Variants in CTNND2 observed in about 807,000 individuals in gnomAD.
CTNND2 encodes catenin delta 2, also known as catenin delta-2.
Under a neutral mutation model 144.4 loss-of-function variants are expected in CTNND2, and 22 were observed. That is an observed-to-expected ratio of 0.15 (90% confidence interval 0.11 to 0.22). The LOEUF is 0.22. CTNND2 is among the 10% of genes least tolerant of loss of function. The probability of loss-of-function intolerance (pLI) is 1.00; values close to 1 mark genes in which losing one functional copy is unlikely to be tolerated. For synonymous variants in CTNND2, 751 were observed against 695.6 expected (o/e 1.08, Z -1.25); for missense variants, 1,353 against 1,618.8 (o/e 0.84, Z 2.82).
At chr5:11,522,779 T>C (rs1772859873) in intron 3 of CTNND2, among the ~76,000 whole-genome samples, 1 of 152,144 alleles carries the variant, frequency 6.6e-6, no homozygotes, top group African/African-American at 2.4e-5. Context: ...AGTTATTCCA[T>C]ATAGACACAG....
At chr5:11,084,323 C>A (rs1024961772) in intron 15 of CTNND2, among the ~76,000 whole-genome samples, 1 of 152,172 alleles carries the variant, frequency 6.6e-6, no homozygotes, top group Non-Finnish European at 1.5e-5. Context: ...TCCATCGATG[C>A]ATTTAACCGA....
At chr5:11,389,115 C>T (rs1036061699) in intron 6 of CTNND2, among the ~76,000 whole-genome samples, 18 of 152,140 alleles carry the variant, frequency 1.2e-4, no homozygotes, top group African/African-American at 4.1e-4. Context: ...ACCATCTAGG[C>T]TGTTGGCAGA....
At chr5:11,097,297 G>A (rs1384651794) in intron 15 of CTNND2, among the ~76,000 whole-genome samples, 1 of 152,168 alleles carries the variant, frequency 6.6e-6, no homozygotes, top group African/African-American at 2.4e-5. Context: ...GTAAGACTAT[G>A]CTTGGGATGT....
intron 12 of CTNND2, among the ~76,000 whole-genome samples, chr5:11,126,787 T>C (rs1754721394): frequency 6.6e-6 from 1 of 152,250 alleles, no homozygotes; most frequent in African/African-American, 2.4e-5. Flanking sequence ...CCTTAAGTTG[T>C]AATTCTGTAA....
intron 1 of CTNND2, among the ~76,000 whole-genome samples, chr5:11,869,621 G>A (rs367605920): frequency 7.2e-5 from 11 of 152,146 alleles, no homozygotes; most frequent in African/African-American, 1.9e-4. Context: ...GCTGCTATTC[G>A]AAATAATGCA....
intron 1 of CTNND2, among the ~76,000 whole-genome samples, chr5:11,760,049 C>CAAA (rs33988550): frequency 1.0e-4 from 12 of 117,636 alleles, no homozygotes; most frequent in African/African-American, 2.8e-4. Context: ...GTACTGGATG[C>CAAA]AAAAAAAAAA....
chr5:11,617,089 G>A (rs915314421), intron 2 of CTNND2, among the ~76,000 whole-genome samples: 2 of 152,116 alleles, frequency 1.3e-5, no homozygotes, highest in Non-Finnish European at 2.9e-5. Flanking sequence ...CTATGCATGT[G>A]CCAAGGTTTC....
intron 16 of CTNND2, among the ~76,000 whole-genome samples, chr5:11,065,043 T>C (rs558499705): frequency 6.6e-6 from 1 of 152,338 alleles, no homozygotes; most frequent in Admixed American, 6.5e-5. Context: ...TTTCCTGCAT[T>C]TCATTTTTAT....
intron 2 of CTNND2, among the ~76,000 whole-genome samples, chr5:11,607,436 A>G (rs1389618247): frequency 6.6e-6 from 1 of 152,206 alleles, no homozygotes; most frequent in Non-Finnish European, 1.5e-5. Flanking sequence ...GGCAAGAAAA[A>G]AATAATTTTA....
At chr5:11,074,640 T>C (rs1748718249) in intron 16 of CTNND2, among the ~76,000 whole-genome samples, 1 of 152,186 alleles carries the variant, frequency 6.6e-6, no homozygotes, top group South Asian at 2.1e-4. Context: ...AGGACAGTAT[T>C]GATATAACGA....
chr5:11,456,232 T>C (rs905828758), intron 3 of CTNND2, among the ~76,000 whole-genome samples: 1 of 152,056 alleles, frequency 6.6e-6, no homozygotes. Context: ...GGAAGAAGGG[T>C]TGTGTTTGGT....
chr5:11,635,395 TGAA>T (rs1234874243), intron 2 of CTNND2, among the ~76,000 whole-genome samples: 4 of 151,912 alleles, frequency 2.6e-5, no homozygotes, highest in Non-Finnish European at 4.4e-5. Flanking sequence ...AGGAAGAAGA[TGAA>T]GGAGGAGAAA....
intron 18 of CTNND2, among the ~76,000 whole-genome samples, chr5:11,002,452 T>G (rs1445479877): frequency 6.6e-6 from 1 of 152,174 alleles, no homozygotes; most frequent in Non-Finnish European, 1.5e-5. Context: ...TACTCCTTGA[T>G]GGAGGAGGAG....
In CTNND2 at chr5:11,446,362, A is replaced by G. The variant is rs545657664; in HGVS notation, c.288-34293T>C. 2.6e-5 allele frequency among the ~76,000 whole-genome samples: 4 copies of G among 152,274 alleles called. No individual in the cohort carries two copies. The East Asian group carries it at 7.7e-4, about 29-fold the overall frequency. ...TGACTCCAGTTCTTCTCCTCGGTTCATGGGAGGGTCGGGATCTCCTACTCC... is the reference window on the plus strand; with the variant it reads ...TGACTCCAGTTCTTCTCCTCGGTTCGTGGGAGGGTCGGGATCTCCTACTCC... On this transcript the variant is annotated intron_variant, in intron 3 of 21. Coordinates refer to ENST00000304623, the MANE Select transcript of CTNND2 (RefSeq NM_001332.4).
chr5:11,110,809 G>A (rs1284832384), intron 14 of CTNND2, 49 bp downstream of exon 14: 6 of 1,550,022 alleles, frequency 3.9e-6, no homozygotes, highest in Non-Finnish European at 5.3e-6. Context: ...TATTACAGTT[G>A]CAATTAGGAA....
chr5:11,357,359 A>G lies in CTNND2; in HGVS notation c.1372+7337T>C, dbSNP rs113426961. 9.7e-3 allele frequency among the ~76,000 whole-genome samples: 1,482 copies of G among 152,228 alleles called. 25 individuals are homozygous for G. Among genetic ancestry groups the G allele is most frequent in the African/African-American group, 0.034 (1,418 of 41,566 alleles). On this transcript the variant is annotated intron_variant, in intron 8 of 21. Coordinates refer to ENST00000304623, the MANE Select transcript of CTNND2 (RefSeq NM_001332.4). ...AATACTATTCAGACATTTAAGAAAAATGAAATCCTGCCATTTGTGATAACA... is the reference window on the plus strand; with the variant it reads ...AATACTATTCAGACATTTAAGAAAAGTGAAATCCTGCCATTTGTGATAACA...
intron 5 of CTNND2, among the ~76,000 whole-genome samples, chr5:11,397,485 A>C (rs991536814): frequency 5.9e-5 from 9 of 152,150 alleles, no homozygotes; most frequent in African/African-American, 2.2e-4. Context: ...TTATGAGACA[A>C]ATTAGTTAAT....
chr5:11,300,279 C>T (rs1387556860), intron 9 of CTNND2, among the ~76,000 whole-genome samples: 4 of 152,142 alleles, frequency 2.6e-5, no homozygotes, highest in African/African-American at 7.2e-5. Context: ...CCAACCCCTC[C>T]TCCACTGAAA....
At chr5:11,438,930 A>C (rs1764011098) in intron 3 of CTNND2, among the ~76,000 whole-genome samples, 1 of 152,158 alleles carries the variant, frequency 6.6e-6, no homozygotes, top group African/African-American at 2.4e-5. Context: ...AGCGATTAAA[A>C]AGTGGCTACT....
Sources: gnomAD v4.1 joint callset for allele counts (sites outside exome capture counted in the v4.1 genomes callset) on GRCh38, gnomAD v4.1.1 for gene constraint, MANE v1.5 for transcripts, NCBI Gene and HGNC (gene_info 2026-07-23, HGNC 2026-07-21) for gene names.